The following CIMIP6 variants were observed in gnomAD, a reference collection of about 807,000 sequenced individuals.
The protein encoded by CIMIP6 is uncharacterized protein C2orf73.
chr2:54,333,289 T>G, the CIMIP6 span, among the ~76,000 whole-genome samples: 1 of 152,112 alleles, frequency 6.6e-6, no homozygotes, highest in African/African-American at 2.4e-5. Flanking sequence ...AGAATACATG[T>G]GGTAGAGGAA....
the CIMIP6 span, among the ~76,000 whole-genome samples, chr2:54,341,416 G>C: frequency 6.6e-6 from 1 of 152,152 alleles, no homozygotes; most frequent in African/African-American, 2.4e-5. Flanking sequence ...CCAGTGCCTT[G>C]ATCTTGGACT....
the CIMIP6 span, among the ~76,000 whole-genome samples, chr2:54,378,146 A>C: frequency 2.6e-5 from 4 of 152,186 alleles, no homozygotes; most frequent in South Asian, 2.1e-4. Context: ...AGCTGGGAAA[A>C]ACATTGACTT....
At chr2:54,337,464 T>C in the CIMIP6 span, among the ~76,000 whole-genome samples, 4 of 152,230 alleles carry the variant, frequency 2.6e-5, no homozygotes, top group African/African-American at 9.6e-5. Context: ...GGTACCAAAA[T>C]CCAGATTAGT....
the CIMIP6 span, among the ~76,000 whole-genome samples, chr2:54,356,523 G>A: frequency 6.6e-6 from 1 of 152,016 alleles, no homozygotes; most frequent in Admixed American, 6.6e-5. Context: ...AAGCCTTTGG[G>A]TTTCTCACAG....
the CIMIP6 span, among the ~76,000 whole-genome samples, chr2:54,356,730 G>A: frequency 1.3e-5 from 2 of 152,154 alleles, no homozygotes; most frequent in African/African-American, 4.8e-5. Flanking sequence ...TTTTAGAGAG[G>A]AGGAAATAGA....
the CIMIP6 span, among the ~76,000 whole-genome samples, chr2:54,352,655 G>A: frequency 1.1e-4 from 17 of 152,070 alleles, no homozygotes; most frequent in Non-Finnish European, 2.2e-4. Flanking sequence ...CCAGGGGATT[G>A]GTTTCAGGAC....
chr2:54,364,901 G>T, the CIMIP6 span, among the ~76,000 whole-genome samples: 2 of 152,050 alleles, frequency 1.3e-5, no homozygotes, highest in Non-Finnish European at 2.9e-5. Context: ...ACTAAAACAA[G>T]AAATTAAAAT....
chr2:54,353,861 T>G, the CIMIP6 span, among the ~76,000 whole-genome samples: 1 of 152,196 alleles, frequency 6.6e-6, no homozygotes, highest in African/African-American at 2.4e-5. Flanking sequence ...AGTTCTCCTA[T>G]GTTTTTTAAT....
chr2:54,354,806 T>C, the CIMIP6 span, among the ~76,000 whole-genome samples: 16 of 152,076 alleles, frequency 1.1e-4, no homozygotes, highest in African/African-American at 2.9e-4. Flanking sequence ...ATTGTACTAC[T>C]TTTTTCTTTT....
At chr2:54,352,970 T>A in the CIMIP6 span, among the ~76,000 whole-genome samples, 7 of 152,300 alleles carry the variant, frequency 4.6e-5, no homozygotes, top group Admixed American at 4.6e-4. Flanking sequence ...TAACTGAAAT[T>A]TCGACTCCTC....
chr2:54,359,052 C>G, the CIMIP6 span: 2 of 1,528,608 alleles, frequency 1.3e-6, no homozygotes, highest in Non-Finnish European at 1.8e-6. Flanking sequence ...AGAAAAACTC[C>G]GAATGAGCCT....
the CIMIP6 span, chr2:54,343,870 AT>A: frequency 6.3e-7 from 1 of 1,597,560 alleles, no homozygotes; most frequent in Non-Finnish European, 8.5e-7. Flanking sequence ...TTCTTGTGGA[AT>A]AGGTAAGGTT....
chr2:54,357,610 T>A, the CIMIP6 span, among the ~76,000 whole-genome samples: 1 of 148,352 alleles, frequency 6.7e-6, no homozygotes, highest in Non-Finnish European at 1.5e-5. Flanking sequence ...ACAGTCTTGC[T>A]CTGTCACCCA....
chr2:54,352,791 A>G, the CIMIP6 span, among the ~76,000 whole-genome samples: 4 of 152,188 alleles, frequency 2.6e-5, no homozygotes, highest in African/African-American at 9.7e-5. Context: ...ACTTAATACA[A>G]TGTAAATGCC....
At chr2:54,360,254 GT>G in the CIMIP6 span, 4 of 1,610,284 alleles carry the variant, frequency 2.5e-6, no homozygotes, top group African/African-American at 1.3e-5. Flanking sequence ...TAGGCCAACA[GT>G]TCCTAAAGGA....
the CIMIP6 span, among the ~76,000 whole-genome samples, chr2:54,348,400 TCTTTTATTGGTA>T: frequency 2.0e-5 from 3 of 152,202 alleles, no homozygotes; most frequent in African/African-American, 7.2e-5. Flanking sequence ...CTCTCTCTGT[TCTTTTATTGGTA>T]TTTCTTTTTC....
At chr2:54,381,330 G>A in the CIMIP6 span, among the ~76,000 whole-genome samples, 1,685 of 152,292 alleles carry the variant, frequency 0.011, 17 homozygotes, top group South Asian at 0.021. Context: ...GATGTTGAGC[G>A]AGTTGTTACA....
At chr2:54,367,719 T>C in the CIMIP6 span, among the ~76,000 whole-genome samples, 1 of 152,100 alleles carries the variant, frequency 6.6e-6, no homozygotes, top group Non-Finnish European at 1.5e-5. Flanking sequence ...AAAATGCTTT[T>C]GGTCAGTAAA....
the CIMIP6 span, among the ~76,000 whole-genome samples, chr2:54,342,932 G>A: frequency 6.6e-5 from 10 of 152,296 alleles, no homozygotes; most frequent in East Asian, 1.9e-3. Flanking sequence ...ATTAAGTTGA[G>A]TAACAGTTCC....
Sources: gnomAD v4.1 joint callset for allele counts (sites outside exome capture counted in the v4.1 genomes callset) on GRCh38, gnomAD v4.1.1 for gene constraint, MANE v1.5 for transcripts, NCBI Gene and HGNC (gene_info 2026-07-23, HGNC 2026-07-21) for gene names.